Variants in EXT2 observed in about 807,000 individuals in gnomAD.
The protein encoded by EXT2 is exostosin-2.
In EXT2, 53 loss-of-function variants were observed where a neutral mutation model predicts 81.6. The observed-to-expected ratio is 0.65, with a 90% confidence interval of 0.52 to 0.82. The LOEUF (loss-of-function observed/expected upper bound fraction) is 0.82, where lower values mean the gene tolerates loss of function less well. Among genes scored for constraint, EXT2 ranks in the 40% least tolerant of loss-of-function variants. The pLI is 0.00. For synonymous variants in EXT2, 320 were observed against 340.0 expected, an observed-to-expected ratio of 0.94 and a Z score of 0.65; for missense variants, 774 against 910.2, an observed-to-expected ratio of 0.85 and a Z score of 1.93.
chr11:44,220,843 C>T lies in EXT2; in HGVS notation c.1663-11510C>T, dbSNP rs1351902583. Among the ~76,000 whole-genome samples, 1 of 152,172 alleles carries T rather than the reference C, an allele frequency of 6.6e-6. No individual in the cohort carries two copies. Among genetic ancestry groups the T allele is most frequent in the African/African-American group, 2.4e-5 (1 of 41,444 alleles). ...AAGCCCAGGGAGGTGCTGAAGGAAGCCGCAGTAAAGCCTGACCTCTCAGAG... is the reference window on the plus strand; with the variant it reads ...AAGCCCAGGGAGGTGCTGAAGGAAGTCGCAGTAAAGCCTGACCTCTCAGAG... On this transcript the variant is annotated intron_variant, in intron 10 of 13. Coordinates refer to ENST00000533608, the MANE Select transcript of EXT2 (RefSeq NM_207122.2). The surrounding 1 kb of genome is among the most constrained non-coding windows in gnomAD (Gnocchi z 4.4).
intron 8 of EXT2, among the ~76,000 whole-genome samples, chr11:44,172,120 C>T (rs1955083722): frequency 6.6e-6 from 1 of 152,216 alleles, no homozygotes; most frequent in Non-Finnish European, 1.5e-5. Flanking sequence ...AGTGCTTACT[C>T]TGCCAGGGAC....
chr11:44,231,167 G>T (rs79678353), intron 10 of EXT2, among the ~76,000 whole-genome samples: 11,740 of 152,216 alleles, frequency 0.077, 473 homozygotes, highest in Middle Eastern at 0.16. Flanking sequence ...GGCTAGCACA[G>T]TAATCTTGGT....
chr11:44,165,045 A>T (rs1954976310), intron 7 of EXT2, among the ~76,000 whole-genome samples: 1 of 151,412 alleles, frequency 6.6e-6, no homozygotes, highest in Non-Finnish European at 1.5e-5. Context: ...CGCCCGGCTA[A>T]TTTTTTGTAT....
intron 10 of EXT2, among the ~76,000 whole-genome samples, chr11:44,215,442 A>G (rs144317141): frequency 7.2e-5 from 11 of 152,276 alleles, no homozygotes; most frequent in Middle Eastern, 3.4e-3. Flanking sequence ...GTTTGATTCT[A>G]CTGTGGTCAG....
intron 10 of EXT2, among the ~76,000 whole-genome samples, chr11:44,210,341 C>T (rs1283680904): frequency 6.6e-6 from 1 of 152,106 alleles, no homozygotes; most frequent in Admixed American, 6.6e-5. Flanking sequence ...TTGATACATG[C>T]AACAACATGG....
At chr11:44,106,438 GATTA>G (rs910732274) in intron 1 of EXT2, among the ~76,000 whole-genome samples, 4 of 152,068 alleles carry the variant, frequency 2.6e-5, no homozygotes, top group African/African-American at 9.7e-5. Flanking sequence ...GAAGATGAAA[GATTA>G]ATTTTTTTTC....
chr11:44,101,658 A>G (rs964042436), intron 1 of EXT2, among the ~76,000 whole-genome samples: 2 of 152,222 alleles, frequency 1.3e-5, no homozygotes, highest in African/African-American at 4.8e-5. Flanking sequence ...GGGGACCTGC[A>G]TCTTTGAGAA....
rs973737685 is a variant in EXT2, at chr11:44,250,048, C to T, written c.*5761C>T. 6.6e-6 allele frequency among the ~76,000 whole-genome samples: 1 copy of T among 152,146 alleles called. No individual in the cohort carries two copies. Among genetic ancestry groups the T allele is most frequent in the African/African-American group, 2.4e-5 (1 of 41,428 alleles). On this transcript the variant is annotated 3_prime_UTR_variant, in exon 14 of 14. Coordinates refer to ENST00000533608, the MANE Select transcript of EXT2 (RefSeq NM_207122.2). ...TTGTGCCACTACACTCCAGCCTGGGCGACAGAGCAAGACTCCGTCTCAAAA... is the reference window on the plus strand; with the variant it reads ...TTGTGCCACTACACTCCAGCCTGGGTGACAGAGCAAGACTCCGTCTCAAAA...
chr11:44,171,484 G>T, intron 7 of EXT2, 127 bp from the exon 8 acceptor site: 1 of 1,415,632 alleles, frequency 7.1e-7, no homozygotes. Flanking sequence ...ATATGCCCTA[G>T]GCACCCCCAT....
At chr11:44,179,372 C>T (rs1955202629) in intron 8 of EXT2, among the ~76,000 whole-genome samples, 1 of 152,200 alleles carries the variant, frequency 6.6e-6, no homozygotes, top group African/African-American at 2.4e-5. Context: ...GCCTTCATTG[C>T]TTACTTAGAG....
At chr11:44,209,030 C>T (rs376448518) in intron 10 of EXT2, among the ~76,000 whole-genome samples, 27 of 152,364 alleles carry the variant, frequency 1.8e-4, no homozygotes, top group African/African-American at 6.0e-4. Context: ...CAAATTCCTG[C>T]TCTATCACTG....
At chr11:44,117,451 C>A (rs10769016) in intron 4 of EXT2, among the ~76,000 whole-genome samples, 78,789 of 151,980 alleles carry the variant, frequency 0.52, 21,816 homozygotes, top group African/African-American at 0.72. Flanking sequence ...TTGGCTCTTA[C>A]ATTTAGATTT....
rs960483585 is a variant in EXT2, at chr11:44,250,611, T to G, written c.*6324T>G. ...GAGCAGTTCTCTTGCCCCAGTCCCT[T>G]TCCTGTGCTATAAATAAGCCCCATG... On this transcript the variant is annotated 3_prime_UTR_variant, in exon 14 of 14. Coordinates refer to ENST00000533608, the MANE Select transcript of EXT2 (RefSeq NM_207122.2). Among the ~76,000 whole-genome samples the G allele has an allele frequency of 1.3e-5, 2 of 152,204 alleles. No homozygotes were observed. Among genetic ancestry groups the G allele is most frequent in the African/African-American group, 4.8e-5 (2 of 41,450 alleles).
intron 8 of EXT2, among the ~76,000 whole-genome samples, chr11:44,186,063 G>A (rs910372573): frequency 2.6e-5 from 4 of 152,158 alleles, no homozygotes; most frequent in East Asian, 1.9e-4. Flanking sequence ...TTTCACTGAA[G>A]CATTTAAGTA....
chr11:44,243,389 C>T (rs1051798963), intron 13 of EXT2, among the ~76,000 whole-genome samples: 1 of 152,192 alleles, frequency 6.6e-6, no homozygotes, highest in African/African-American at 2.4e-5. Flanking sequence ...AGCCTCTCCC[C>T]TCCTCTGGCG....
At chr11:44,100,390 C>T (rs938262691) in intron 1 of EXT2, among the ~76,000 whole-genome samples, 1 of 152,182 alleles carries the variant, frequency 6.6e-6, no homozygotes, top group Non-Finnish European at 1.5e-5. Context: ...GTGTTGGTAA[C>T]CCCTGGTACT....
In EXT2 at chr11:44,124,370, C is replaced by T. The variant is rs1046542316; in HGVS notation, c.744-419C>T. On this transcript the variant is annotated intron_variant, in intron 4 of 13. Coordinates refer to ENST00000533608, the MANE Select transcript of EXT2 (RefSeq NM_207122.2). ...TTGAAGAATGCAGCCAGCTTCCAGT[C>T]GCTTTCAGATCAGGGACTCAGATGT... 4.6e-5 allele frequency among the ~76,000 whole-genome samples: 7 copies of T among 151,860 alleles called. No homozygotes were observed. The East Asian group carries it at 5.8e-4, about 13-fold the overall frequency.
chr11:44,188,060 A>G (rs771292229), intron 8 of EXT2, among the ~76,000 whole-genome samples: 6 of 152,380 alleles, frequency 3.9e-5, no homozygotes, highest in Non-Finnish European at 5.9e-5. Context: ...TAGGTTAGAT[A>G]TGCTAAGTGA....
chr11:44,154,101 G>T (rs1388715653), intron 7 of EXT2, among the ~76,000 whole-genome samples: 1 of 151,774 alleles, frequency 6.6e-6, no homozygotes, highest in Non-Finnish European at 1.5e-5. Flanking sequence ...GGAAAATTGG[G>T]TATCTATCCC....
Sources: gnomAD v4.1 joint callset for allele counts (sites outside exome capture counted in the v4.1 genomes callset) on GRCh38, gnomAD v4.1.1 for gene constraint, Gnocchi (gnomAD v3.1) non-coding constraint, MANE v1.5 for transcripts, NCBI Gene and HGNC (gene_info 2026-07-23, HGNC 2026-07-21) for gene names.